The following ARMH3 variants were observed in gnomAD, a reference collection of about 807,000 sequenced individuals.
The protein encoded by ARMH3 is armadillo like helical domain containing 3, also known as armadillo-like helical domain-containing protein 3.
ARMH3 carries 60 observed loss-of-function variants against 99.1 expected under a neutral mutation model. The ratio of observed to expected loss-of-function variants is 0.61; its 90% CI spans 0.49 to 0.75. The LOEUF is 0.75. Among genes scored for constraint, ARMH3 ranks in the 30% least tolerant of loss-of-function variants. The pLI, the probability that ARMH3 is intolerant of heterozygous loss-of-function variation, is 0.00. For synonymous variants in ARMH3, 285 were observed against 292.8 expected (o/e 0.97, Z 0.27); for missense variants, 679 against 843.1 (o/e 0.81, Z 2.41).
chr10:102,012,705 G>A, intron 10 of ARMH3, 128 bp downstream of exon 10: 1 of 814,746 alleles, frequency 1.2e-6, no homozygotes, highest in Non-Finnish European at 1.8e-6. Flanking sequence ...AAATACATCT[G>A]CCAGGGGCTG....
intron 23 of ARMH3, among the ~76,000 whole-genome samples, chr10:101,921,964 TA>T (rs1304375674): frequency 2.0e-5 from 3 of 152,164 alleles, no homozygotes; most frequent in African/African-American, 7.2e-5. Flanking sequence ...CTATATATTT[TA>T]AAATAGCTAG....
At chr10:102,023,142 G>A (rs970180349) in intron 8 of ARMH3, among the ~76,000 whole-genome samples, 7 of 150,984 alleles carry the variant, frequency 4.6e-5, no homozygotes, top group Non-Finnish European at 7.4e-5. Context: ...AGCCAAGATC[G>A]TGCCATTGCA....
intron 1 of ARMH3, among the ~76,000 whole-genome samples, chr10:102,051,237 C>T (rs918840687): frequency 4.6e-5 from 7 of 151,550 alleles, no homozygotes; most frequent in Non-Finnish European, 7.4e-5. Flanking sequence ...CTTTGGGAGG[C>T]CAAGGCCGGC....
In ARMH3 at chr10:102,025,146, G is replaced by A. The variant is rs775541142; in HGVS notation, c.507+10C>T. 5 of 1,602,830 alleles carry A rather than the reference G, an allele frequency of 3.1e-6. No homozygotes were observed. The highest frequency in any genetic ancestry group is 4.3e-6 in the Non-Finnish European group (5 of 1,170,228). The stretch of plus-strand genomic sequence containing the variant: ...TCAATTAATACCCTTGACAAACATA[G>A]GTCACTTACGGTCACTAAGCAAAGG... On this transcript the variant is annotated intron_variant, in intron 6 of 25. Transcript: ENST00000370033.
intron 14 of ARMH3, 121 bp downstream of exon 14, chr10:102,006,419 A>G (rs2066488798): frequency 9.1e-7 from 1 of 1,101,620 alleles, no homozygotes; most frequent in Non-Finnish European, 1.3e-6. Flanking sequence ...GGATAGTACT[A>G]CAGACCAATT....
intron 2 of ARMH3, 67 bp from the exon 3 acceptor site, chr10:102,033,406 A>C: frequency 6.8e-7 from 1 of 1,472,368 alleles, no homozygotes; most frequent in South Asian, 1.2e-5. Context: ...AATACTATAC[A>C]TAGTCAACCT....
chr10:101,854,736 A>G (rs2066691886), intron 24 of ARMH3, among the ~76,000 whole-genome samples: 3 of 152,108 alleles, frequency 2.0e-5, no homozygotes, highest in Admixed American at 2.0e-4. Context: ...CCAGTCAACC[A>G]CTAATTAGCA....
At chr10:101,923,784 C>T (rs1843394864) in intron 23 of ARMH3, among the ~76,000 whole-genome samples, 1 of 152,184 alleles carries the variant, frequency 6.6e-6, no homozygotes, top group African/African-American at 2.4e-5. Context: ...TAGGAGGCTA[C>T]AGGAAGATTT....
chr10:101,898,369 A>G (rs1441517910), intron 23 of ARMH3, among the ~76,000 whole-genome samples: 2 of 151,884 alleles, frequency 1.3e-5, no homozygotes, highest in Non-Finnish European at 2.9e-5. Flanking sequence ...AGAAATAAAA[A>G]AAAAAGAAGA....
chr10:101,995,212 T>C lies in ARMH3; in HGVS notation c.1209+85A>G, dbSNP rs922775687. ...CTAAACTTTAGGACCCTAAATGTCA[T>C]GAGACAGTAATGGGGTGAGGGGAGG... On this transcript the variant is annotated intron_variant, in intron 16 of 25. Coordinates refer to ENST00000370033, the MANE Select transcript of ARMH3 (RefSeq NM_024541.3). 5.2e-6 allele frequency: 6 copies of C among 1,158,892 alleles called. No homozygotes were observed. The African/African-American group carries it at 9.3e-5, about 18-fold the overall frequency. The allele number at this position is 1,158,892 out of a possible 1,614,324, so 71.8% of individuals were successfully genotyped here.
intron 2 of ARMH3, among the ~76,000 whole-genome samples, chr10:102,035,473 G>C (rs2067232713): frequency 6.6e-6 from 1 of 152,224 alleles, no homozygotes; most frequent in Admixed American, 6.5e-5. Context: ...GGACTGTACT[G>C]CTGCCATCTC....
Position 102,009,958 on chromosome 10 carries a change from A to G in ARMH3, c.878+19T>C, listed in dbSNP as rs755728254. 1.6e-5 allele frequency: 25 copies of G among 1,611,656 alleles called. No individual in the cohort carries two copies. Among genetic ancestry groups the G allele is most frequent in the Non-Finnish European group, 1.9e-5 (22 of 1,177,972 alleles). ...CACACTAAAGTCCAAGTCACTGCAC[A>G]AGAATGTCAGGCACTTACTGTACTG... On this transcript the variant is annotated intron_variant, in intron 12 of 25. Transcript: ENST00000370033.
intron 24 of ARMH3, among the ~76,000 whole-genome samples, chr10:101,853,050 ATTT>A (rs747143889): frequency 2.3e-5 from 3 of 129,548 alleles, no homozygotes; most frequent in Admixed American, 7.9e-5. Flanking sequence ...TGCTTGGCTA[ATTT>A]TTTTTTTTTT....
chr10:102,046,749 A>T (rs149083162), intron 1 of ARMH3, among the ~76,000 whole-genome samples: 2 of 151,818 alleles, frequency 1.3e-5, no homozygotes, highest in African/African-American at 4.8e-5. Flanking sequence ...GTTCTTCTCC[A>T]CTATGCTATA....
intron 20 of ARMH3, among the ~76,000 whole-genome samples, chr10:101,967,989 C>T (rs1015332216): frequency 3.3e-5 from 5 of 152,110 alleles, no homozygotes; most frequent in Admixed American, 6.5e-5. Flanking sequence ...TTTCTTTAAA[C>T]GGAAATCTGC....
At chr10:101,985,942 TG>T (rs1313925716) in intron 19 of ARMH3, among the ~76,000 whole-genome samples, 1 of 151,484 alleles carries the variant, frequency 6.6e-6, no homozygotes, top group Non-Finnish European at 1.5e-5. Flanking sequence ...CATTTGAACC[TG>T]GGGGGCGGAG....
chr10:101,976,168 CAAAAAAAAAA>C (rs780547260), intron 19 of ARMH3, among the ~76,000 whole-genome samples: 2 of 23,188 alleles, frequency 8.6e-5, no homozygotes, highest in African/African-American at 1.7e-4. Context: ...GACTCTGTCT[CAAAAAAAAAA>C]AAAAAAAAAA....
At chr10:101,904,950 CAAAA>C (rs34831483) in intron 23 of ARMH3, among the ~76,000 whole-genome samples, 2 of 91,538 alleles carry the variant, frequency 2.2e-5, no homozygotes. Flanking sequence ...GACTCCATCT[CAAAA>C]AAAAAAAAAA....
Position 101,847,576 on chromosome 10 carries a change from G to A in ARMH3, c.2022C>T (p.His674=). Residue 674 remains histidine, a synonymous_variant, in exon 26 of 26, where the codon CAC becomes CAT. Transcript: ENST00000370033. The stretch of plus-strand genomic sequence containing the variant: ...TGAGCAGGACTTCTTGGCTGAGTGT[G>A]TGGAAGGCCAGGTTTCTCCGGACGT... ...STNVRRNLAF[H]TLSQEVLLKE... The A allele has an allele frequency of 1.2e-6, 2 of 1,614,198 alleles. No homozygotes were observed. The highest frequency in any genetic ancestry group is 2.2e-5 in the East Asian group (1 of 44,878).
Sources: gnomAD v4.1 joint callset for allele counts (sites outside exome capture counted in the v4.1 genomes callset) on GRCh38, gnomAD v4.1.1 for gene constraint, MANE v1.5 for transcripts, NCBI Gene and HGNC (gene_info 2026-07-23, HGNC 2026-07-21) for gene names.